The following JPH3 variants were observed in gnomAD, a reference collection of about 807,000 sequenced individuals.
The protein encoded by JPH3 is junctophilin 3.
JPH3 carries 11 observed loss-of-function variants against 59.6 expected under a neutral mutation model. The ratio of observed to expected loss-of-function variants is 0.18; its 90% CI spans 0.12 to 0.31. JPH3 has a LOEUF of 0.31. Ranked by LOEUF, JPH3 falls within the 10% of genes least tolerant of loss-of-function variation. The pLI is 1.00. For synonymous variants in JPH3, 673 were observed against 483.6 expected (o/e 1.39, Z -5.14); for missense variants, 1,202 against 1,105.7 (o/e 1.09, Z -1.24).
At chr16:87,640,373 A>G (rs560232924) in intron 1 of JPH3, among the ~76,000 whole-genome samples, 2 of 151,754 alleles carry the variant, frequency 1.3e-5, no homozygotes, top group South Asian at 4.2e-4. Context: ...CAGGTAATCG[A>G]CAAATGCTTT....
intron 1 of JPH3, among the ~76,000 whole-genome samples, chr16:87,625,826 A>C (rs1411808409): frequency 1.3e-5 from 2 of 152,082 alleles, no homozygotes; most frequent in Non-Finnish European, 2.9e-5. Context: ...GGAGAACCGC[A>C]GCGGCTTGTA....
intron 2 of JPH3, among the ~76,000 whole-genome samples, chr16:87,676,867 C>G (rs982133171): frequency 1.3e-5 from 2 of 151,710 alleles, no homozygotes; most frequent in Non-Finnish European, 2.9e-5. Flanking sequence ...GAAACCCCGT[C>G]TCTACTAAAA....
rs116223389 is a variant in JPH3 at position 87,628,723 on chromosome 16, G to A, written c.383-15535G>A. On this transcript the variant is annotated intron_variant, in intron 1 of 4. Transcript: ENST00000284262. ...CCCGTGGAAACCCCTAGCGTGGCCC[G>A]GATGTGTGGTGAGTGGCCTTGGAGG... 4.3e-3 allele frequency among the ~76,000 whole-genome samples: 656 copies of A among 152,280 alleles called. 9 individuals carry two copies. Among genetic ancestry groups the A allele is most frequent in the African/African-American group, 0.015 (624 of 41,556 alleles).
chr16:87,657,998 C>T (rs538410436), intron 2 of JPH3, among the ~76,000 whole-genome samples: 4 of 152,194 alleles, frequency 2.6e-5, no homozygotes, highest in African/African-American at 9.7e-5. Context: ...TAAATGTCCC[C>T]TCTGCAGCAA....
intron 4 of JPH3, chr16:87,693,948 C>T (rs1395347455): frequency 1.3e-5 from 2 of 152,272 alleles, no homozygotes; most frequent in Non-Finnish European, 2.9e-5. Context: ...GTACTCCCAC[C>T]CGTTGCCGCT....
chr16:87,661,398 C>T (rs1423999022), intron 2 of JPH3, among the ~76,000 whole-genome samples: 2 of 152,254 alleles, frequency 1.3e-5, no homozygotes, highest in African/African-American at 2.4e-5. Flanking sequence ...GGCTGTGTTT[C>T]TGCTGACCAC....
intron 2 of JPH3, among the ~76,000 whole-genome samples, chr16:87,681,645 C>T (rs12448790): frequency 0.073 from 10,790 of 147,884 alleles, 565 homozygotes; most frequent in Admixed American, 0.16. Context: ...GTGACAGTGC[C>T]GGGAGGTCAG....
chr16:87,652,896 AC>A (rs1360792850), intron 2 of JPH3, among the ~76,000 whole-genome samples: 1 of 152,214 alleles, frequency 6.6e-6, no homozygotes, highest in African/African-American at 2.4e-5. Context: ...CCTGCCCTGC[AC>A]CCACTACAGA....
intron 3 of JPH3, among the ~76,000 whole-genome samples, chr16:87,685,707 AC>A (rs1192811143): frequency 4.6e-5 from 7 of 152,074 alleles, no homozygotes; most frequent in Admixed American, 2.6e-4. Context: ...CCACGTACCA[AC>A]CCTGGCCCAT....
At position 87,660,446 on chromosome 16, in the gene JPH3, T is replaced by C. The variant is rs115599131; in HGVS notation, c.1160+15411T>C. ...CCTCTCCCAGGGCTCTGTCCCCAAG[T>C]GGCCAAGCTAATTCGGTTCCGTGCT... On this transcript the variant is annotated intron_variant, in intron 2 of 4. Transcript: ENST00000284262. Among the ~76,000 whole-genome samples the C allele has an allele frequency of 5.8e-3, 886 of 152,212 alleles. 6 individuals carry two copies. Among genetic ancestry groups the C allele is most frequent in the African/African-American group, 0.021 (858 of 41,516 alleles).
At chr16:87,658,407 T>G in intron 2 of JPH3, among the ~76,000 whole-genome samples, 1 of 140,608 alleles carries the variant, frequency 7.1e-6, no homozygotes. Context: ...TCCCTCTCTG[T>G]CCCTCCCTCT....
At chr16:87,677,221 CACACA>C (rs1354966177) in intron 2 of JPH3, among the ~76,000 whole-genome samples, 2 of 119,874 alleles carry the variant, frequency 1.7e-5, no homozygotes, top group East Asian at 2.7e-4. Flanking sequence ...CACACACACA[CACACA>C]AAAAAAAAAA....
chr16:87,665,722 C>A (rs1403035009), intron 2 of JPH3, among the ~76,000 whole-genome samples: 1 of 152,268 alleles, frequency 6.6e-6, no homozygotes, highest in African/African-American at 2.4e-5. Context: ...ACTGCCCCCT[C>A]TTCCTCCCGG....
chr16:87,603,547 G>A lies in JPH3; in HGVS notation c.382+19G>A, dbSNP rs2030351561. ...GACGGAGGTAGGTGCCGCGGGCCGGGCCGGGCCGGGGCGGGAGGGACGTGC... is the reference window on the plus strand; with the variant it reads ...GACGGAGGTAGGTGCCGCGGGCCGGACCGGGCCGGGGCGGGAGGGACGTGC... On this transcript the variant is annotated intron_variant, in intron 1 of 4. Coordinates refer to ENST00000284262, the MANE Select transcript of JPH3 (RefSeq NM_020655.4). The A allele has an allele frequency of 2.6e-6, 4 of 1,543,006 alleles. No homozygotes were observed. The South Asian group carries it at 4.8e-5, about 19-fold the overall frequency.
intron 1 of JPH3, among the ~76,000 whole-genome samples, chr16:87,637,064 T>C (rs58147351): frequency 0.028 from 4,263 of 152,314 alleles, 178 homozygotes; most frequent in African/African-American, 0.092. Context: ...GGTCCCTGAC[T>C]GTGTTCTCAA....
chr16:87,644,144 C>T, intron 1 of JPH3, 114 bp from the exon 2 acceptor site: 2 of 1,182,016 alleles, frequency 1.7e-6, no homozygotes, highest in Non-Finnish European at 2.4e-6. Context: ...TCTCAAAAAA[C>T]ACAAAACAAC....
intron 1 of JPH3, among the ~76,000 whole-genome samples, chr16:87,637,871 G>C (rs2031809871): frequency 6.6e-6 from 1 of 152,062 alleles, no homozygotes; most frequent in Admixed American, 6.5e-5. Context: ...GGGGGCTGCT[G>C]GTGTTCTGTG....
chr16:87,634,257 C>T (rs1477864894), intron 1 of JPH3, among the ~76,000 whole-genome samples: 2 of 152,138 alleles, frequency 1.3e-5, no homozygotes, highest in Non-Finnish European at 2.9e-5. Context: ...GGGGGCACAA[C>T]AGGCGAAGAC....
intron 1 of JPH3, among the ~76,000 whole-genome samples, chr16:87,620,410 G>C (rs1291428970): frequency 6.8e-6 from 1 of 147,764 alleles, no homozygotes; most frequent in Non-Finnish European, 1.5e-5. Context: ...CTGGATGGGG[G>C]TGTGGTTAGC....
Sources: gnomAD v4.1 joint callset for allele counts (sites outside exome capture counted in the v4.1 genomes callset) on GRCh38, gnomAD v4.1.1 for gene constraint, MANE v1.5 for transcripts, NCBI Gene and HGNC (gene_info 2026-07-23, HGNC 2026-07-21) for gene names.